Variants in RBM41 observed in about 807,000 individuals in gnomAD.
The protein encoded by RBM41 is RNA-binding protein 41.
In RBM41, 14 loss-of-function variants were observed where a neutral mutation model predicts 30.8. The observed-to-expected ratio is 0.45, with a 90% CI of 0.30 to 0.71. The LOEUF (loss-of-function observed/expected upper bound fraction) is 0.71, where lower values mean the gene tolerates loss of function less well. Among genes scored for constraint, RBM41 ranks in the 30% least tolerant of loss-of-function variants. The pLI, the probability that RBM41 is intolerant of heterozygous loss-of-function variation, is 0.08. For missense variants in RBM41, 276 were observed against 326.3 expected (o/e 0.85, Z 1.19); for synonymous variants, 120 against 110.1 (o/e 1.09, Z -0.56).
chrX:107,113,355 TAC>T, intron 5 of RBM41, 40 bp downstream of exon 5: 1 of 981,597 alleles, frequency 1.0e-6, no homozygotes, highest in Non-Finnish European at 1.3e-6. Flanking sequence ...GACCCTAGGT[TAC>T]ATTCCTAAGT....
chrX:107,116,304 A>T (rs992366054), intron 2 of RBM41: 1 of 880,091 alleles, frequency 1.1e-6, no homozygotes, highest in Non-Finnish European at 1.4e-6. Flanking sequence ...CTAGGTACTA[A>T]GGATTTAATA....
intron 6 of RBM41, among the ~76,000 whole-genome samples, chrX:107,076,788 T>C (rs1936245014): frequency 9.0e-6 from 1 of 111,513 alleles, no homozygotes; most frequent in Middle Eastern, 4.6e-3. Flanking sequence ...ATATCCTTTA[T>C]AGCTTAAAGG....
chrX:107,115,933 C>A lies in RBM41; in HGVS notation c.247G>T (p.Ala83Ser), dbSNP rs1924849983. The change falls in exon 3 of 8, where the codon GCT becomes TCT. Residue 83 changes from alanine (A) to serine (S), a missense_variant. Transcript: ENST00000685964. ...QTLHEKDQET[A>S]SLRELGLNET... ...TTAAGCCCTAATTCCCTGAGAGAAG[C>A]AGTTTCCTGGTCCTTCTCATGCAGT... 1 of 1,209,805 alleles carries A rather than the reference C, an allele frequency of 8.3e-7. No homozygotes were observed. Among genetic ancestry groups the A allele is most frequent in the Non-Finnish European group, 1.1e-6 (1 of 894,586 alleles).
intron 5 of RBM41, among the ~76,000 whole-genome samples, chrX:107,107,258 T>C (rs1382204031): frequency 1.8e-5 from 2 of 110,983 alleles, no homozygotes; most frequent in Non-Finnish European, 3.8e-5. Context: ...ACATTAGCCT[T>C]AAGCAGAAAG....
At chrX:107,105,816 T>G (rs1435818559) in intron 5 of RBM41, among the ~76,000 whole-genome samples, 2 of 111,846 alleles carry the variant, frequency 1.8e-5, no homozygotes, top group African/African-American at 3.3e-5. Context: ...GCTAGCCATA[T>G]GTAGAAAGCT....
chrX:107,096,550 TAC>T (rs920609542), intron 5 of RBM41, among the ~76,000 whole-genome samples: 4 of 111,848 alleles, frequency 3.6e-5, no homozygotes, highest in Non-Finnish European at 7.5e-5. Context: ...GACATCCATA[TAC>T]AAAAATATGA....
At chrX:107,091,903 T>G (rs1340687222) in intron 5 of RBM41, among the ~76,000 whole-genome samples, 1 of 111,875 alleles carries the variant, frequency 8.9e-6, no homozygotes, top group Non-Finnish European at 1.9e-5. Flanking sequence ...CATAGTTTAT[T>G]TAACTATTCC....
At chrX:107,061,339 T>C (rs767855691), downstream of RBM41, among the ~76,000 whole-genome samples, 1 of 112,280 alleles carries the variant, frequency 8.9e-6, no homozygotes, top group East Asian at 2.8e-4. Flanking sequence ...ACAACTTTTC[T>C]ATAAATCTAA....
intron 5 of RBM41, among the ~76,000 whole-genome samples, chrX:107,104,021 A>G (rs1923711612): frequency 9.1e-6 from 1 of 110,484 alleles, no homozygotes; most frequent in African/African-American, 3.3e-5. Flanking sequence ...TATGGTGGTA[A>G]TATGTACACC....
At chrX:107,060,134 A>G (rs1935616583), downstream of RBM41, among the ~76,000 whole-genome samples, 1 of 111,249 alleles carries the variant, frequency 9.0e-6, no homozygotes, top group Admixed American at 9.6e-5. Context: ...TTGAGCAACA[A>G]AACAATGACA....
chrX:107,104,334 G>A lies in RBM41; in HGVS notation c.595+9063C>T, dbSNP rs760767369. 9.3e-3 allele frequency among the ~76,000 whole-genome samples: 1,035 copies of A among 111,275 alleles called. 14 individuals are homozygous for A. Among genetic ancestry groups the A allele is most frequent in the African/African-American group, 0.032 (971 of 30,645 alleles). ...ATACATTAATAAAGATGGATTGATA[G>A]ATGGGTATGGGTATAGATAGATTTG... On this transcript the variant is annotated intron_variant, in intron 5 of 7. Transcript: ENST00000685964.
At chrX:107,054,292 C>T in the RBM41 span, among the ~76,000 whole-genome samples, 2 of 111,753 alleles carry the variant, frequency 1.8e-5, no homozygotes, top group Non-Finnish European at 3.8e-5. Context: ...ACTGCTGCCA[C>T]TACCCATAAA....
In RBM41 at chrX:107,102,141, A is replaced by G. The variant is rs996291813; in HGVS notation, c.595+11256T>C. On this transcript the variant is annotated intron_variant, in intron 5 of 7. Transcript: ENST00000685964. Reference sequence around the variant, plus strand: ...GGAAATGATGAACATGTTATTAGACACTGGAGGAAAGGCAATCTTTGTTAT... The same window carrying G: ...GGAAATGATGAACATGTTATTAGACGCTGGAGGAAAGGCAATCTTTGTTAT... 5.4e-5 allele frequency among the ~76,000 whole-genome samples: 6 copies of G among 111,769 alleles called. No individual in the cohort carries two copies. The Admixed American group carries it at 5.7e-4, about 11-fold the overall frequency.
chrX:107,081,430 T>C (rs1001293031), intron 6 of RBM41, among the ~76,000 whole-genome samples: 1 of 111,708 alleles, frequency 9.0e-6, no homozygotes, highest in African/African-American at 3.3e-5. Flanking sequence ...TTATAGTAAC[T>C]CTTGAAGTTG....
chrX:107,078,091 G>C (rs1298298784), intron 6 of RBM41, among the ~76,000 whole-genome samples: 2 of 111,160 alleles, frequency 1.8e-5, no homozygotes, highest in Non-Finnish European at 3.8e-5. Flanking sequence ...ATGGATTATT[G>C]GGAAGAAAAC....
In RBM41 at chrX:107,066,083, T is replaced by C. The variant is rs1476079746; in HGVS notation, c.*1444A>G. On this transcript the variant is annotated 3_prime_UTR_variant, in exon 8 of 8. Transcript: ENST00000685964. The stretch of plus-strand genomic sequence containing the variant: ...CACGTTCATTTTTGAAAAATAGTTT[T>C]ATTGTATATAGGATTATTGGTTGAC... Among the ~76,000 whole-genome samples the C allele has an allele frequency of 8.9e-6, 1 of 111,968 alleles. No homozygotes were observed. Among genetic ancestry groups the C allele is most frequent in the Non-Finnish European group, 1.9e-5 (1 of 53,129 alleles).
At chrX:107,095,434 A>G (rs1050410273) in intron 5 of RBM41, among the ~76,000 whole-genome samples, 1 of 109,033 alleles carries the variant, frequency 9.2e-6, no homozygotes, top group Non-Finnish European at 1.9e-5. Flanking sequence ...TGTCTCTACT[A>G]AAAATACAAA....
At chrX:107,056,869 TTAAC>T in the RBM41 span, among the ~76,000 whole-genome samples, 2 of 101,340 alleles carry the variant, frequency 2.0e-5, no homozygotes, top group African/African-American at 3.8e-5. Context: ...TTCATTTATC[TTAAC>T]TATTATCTTT....
chrX:107,064,551 T>A lies in RBM41; in HGVS notation c.*2976A>T, dbSNP rs1047851686. On this transcript the variant is annotated 3_prime_UTR_variant, in exon 8 of 8. Coordinates refer to ENST00000685964, the MANE Select transcript of RBM41 (RefSeq NM_001324242.2). ...GGCGTGAGCTACTGCACCCAGCCAG[T>A]CACTTACAAGTGTGTCTGATTTCCA... 3.6e-5 allele frequency: 4 copies of A among 111,323 alleles called. No homozygotes were observed. The highest frequency in any genetic ancestry group is 1.3e-4 in the African/African-American group (4 of 30,642). The allele number at this position is 111,323 out of a possible 1,213,427, so 9.2% of individuals were successfully genotyped here.
Sources: gnomAD v4.1 joint callset for allele counts (sites outside exome capture counted in the v4.1 genomes callset) on GRCh38, gnomAD v4.1.1 for gene constraint, MANE v1.5 for transcripts, NCBI Gene and HGNC (gene_info 2026-07-23, HGNC 2026-07-21) for gene names.